Variants in TTC7A observed in about 807,000 individuals in gnomAD.
TTC7A encodes tetratricopeptide repeat domain 7A, also known as tetratricopeptide repeat protein 7A.
A neutral mutation model predicts 103.7 loss-of-function variants in TTC7A; 110 were observed. The observed-to-expected ratio is 1.06, with a 90% CI of 0.91 to 1.24. The LOEUF (loss-of-function observed/expected upper bound fraction) is 1.24, where lower values mean the gene tolerates loss of function less well. Ranked by LOEUF, TTC7A falls within the 50% of genes most tolerant of loss-of-function variation. The pLI is 0.00. For synonymous variants in TTC7A, 521 were observed against 467.9 expected (o/e 1.11, Z -1.47); for missense variants, 1,340 against 1,116.3 (o/e 1.20, Z -2.86).
intron 5 of TTC7A, among the ~76,000 whole-genome samples, chr2:46,989,000 A>T (rs553776716): frequency 6.6e-6 from 1 of 152,296 alleles, no homozygotes; most frequent in South Asian, 2.1e-4. Flanking sequence ...TACAGGGATA[A>T]TGAAGCCTGT....
chr2:46,939,563 A>G (rs1670158200), upstream of TTC7A, among the ~76,000 whole-genome samples: 1 of 152,196 alleles, frequency 6.6e-6, no homozygotes, highest in Non-Finnish European at 1.5e-5. Context: ...TTAGTTCACT[A>G]GGTGCTCTAC....
chr2:47,068,862 C>CAAAAAA (rs201835431), intron 19 of TTC7A, among the ~76,000 whole-genome samples: 11 of 69,734 alleles, frequency 1.6e-4, no homozygotes, highest in African/African-American at 3.3e-4. Context: ...TCAATTTTTT[C>CAAAAAA]AAAAAAAAAA....
chr2:47,000,630 GA>G (rs1676710744), intron 8 of TTC7A, among the ~76,000 whole-genome samples: 1 of 152,198 alleles, frequency 6.6e-6, no homozygotes, highest in Non-Finnish European at 1.5e-5. Flanking sequence ...TGCTGGTGGG[GA>G]CGACAGCACA....
chr2:46,938,863 T>C (rs1030246617), upstream of TTC7A, among the ~76,000 whole-genome samples: 1 of 151,680 alleles, frequency 6.6e-6, no homozygotes, highest in African/African-American at 2.4e-5. Context: ...ATACAAAAAT[T>C]AGCTGAGCAT....
chr2:47,015,524 C>G (rs922430414), intron 11 of TTC7A, among the ~76,000 whole-genome samples: 1 of 152,212 alleles, frequency 6.6e-6, no homozygotes, highest in African/African-American at 2.4e-5. Flanking sequence ...CTCCCACTTA[C>G]TAGCTGTGTG....
rs577113580 is a variant in TTC7A at position 47,071,909 on chromosome 2, C to G, written c.2356-1793C>G. Among the ~76,000 whole-genome samples the G allele has an allele frequency of 2.9e-4, 44 of 152,268 alleles. 1 individual carries two copies. The highest frequency in any genetic ancestry group is 5.9e-4 in the Non-Finnish European group (40 of 68,052). The stretch of plus-strand genomic sequence containing the variant: ...ACTTAACGTGTGGAAGCCACTCCGG[C>G]CCTGGCCCTCTCTGGGAGGCCTTGC... On this transcript the variant is annotated intron_variant, in intron 19 of 19. Coordinates refer to ENST00000319190, the MANE Select transcript of TTC7A (RefSeq NM_020458.4).
chr2:47,030,660 A>G (rs1455763089), intron 15 of TTC7A, among the ~76,000 whole-genome samples: 1 of 151,628 alleles, frequency 6.6e-6, no homozygotes, highest in African/African-American at 2.4e-5. Context: ...CAGCCCCAAG[A>G]CCCTTGAGCC....
chr2:46,917,051 G>A, intron 1 of TTC7A: 2 of 592,552 alleles, frequency 3.4e-6, no homozygotes, highest in Non-Finnish European at 3.0e-6. Context: ...GTAGTTAGAT[G>A]CCTTGAAAGT....
At chr2:47,042,702 G>GTGTGTATATATATATA (rs111460716) in intron 15 of TTC7A, among the ~76,000 whole-genome samples, 1 of 142,636 alleles carries the variant, frequency 7.0e-6, no homozygotes, top group Non-Finnish European at 1.5e-5. Flanking sequence ...GTGTGTGTGT[G>GTGTGTATATATATATA]TATATATATG....
chr2:47,028,852 C>G (rs1680198081), intron 14 of TTC7A, among the ~76,000 whole-genome samples: 1 of 152,166 alleles, frequency 6.6e-6, no homozygotes, highest in African/African-American at 2.4e-5. Context: ...ACCTGGAGCA[C>G]CCCATTTTCA....
intron 15 of TTC7A, among the ~76,000 whole-genome samples, chr2:47,036,932 C>A (rs553250635): frequency 2.0e-5 from 3 of 152,178 alleles, no homozygotes; most frequent in Admixed American, 2.0e-4. Context: ...CTCAGCATAT[C>A]CCCCGCATCC....
In TTC7A at chr2:47,074,058, G is replaced by A; in HGVS notation, c.*135G>A. The A allele has an allele frequency of 1.5e-6, 1 of 667,538 alleles. No homozygotes were observed. Among genetic ancestry groups the A allele is most frequent in the Non-Finnish European group, 2.5e-6 (1 of 396,422 alleles). 41.4% of individuals were successfully genotyped at this position (667,538 alleles called of 1,614,324 possible). ...ATCTTTAGTGAACGCCTCTGCAGCTGCAGCCCTCGTTCTCTTGGCTGGGCC... is the reference window on the plus strand; with the variant it reads ...ATCTTTAGTGAACGCCTCTGCAGCTACAGCCCTCGTTCTCTTGGCTGGGCC... On this transcript the variant is annotated 3_prime_UTR_variant, in exon 20 of 20. Coordinates refer to ENST00000319190, the MANE Select transcript of TTC7A (RefSeq NM_020458.4).
intron 3 of TTC7A, among the ~76,000 whole-genome samples, chr2:46,974,468 G>A (rs535536175): frequency 6.6e-6 from 1 of 152,312 alleles, no homozygotes; most frequent in Non-Finnish European, 1.5e-5. Flanking sequence ...ATTGACTGTT[G>A]TCTCTAGAGG....
intron 5 of TTC7A, among the ~76,000 whole-genome samples, chr2:46,992,617 G>A (rs1675746558): frequency 6.6e-6 from 1 of 152,224 alleles, no homozygotes; most frequent in African/African-American, 2.4e-5. Context: ...TGGGGCCACT[G>A]TAGGGCTGGA....
chr2:47,053,526 GTTTT>G (rs1345466377), intron 18 of TTC7A, among the ~76,000 whole-genome samples: 23 of 135,896 alleles, frequency 1.7e-4, no homozygotes, highest in African/African-American at 1.9e-4. Context: ...TTTTTGGTGG[GTTTT>G]TTTGTTTGTT....
intron 15 of TTC7A, among the ~76,000 whole-genome samples, chr2:47,045,244 G>C (rs183386584): frequency 6.6e-6 from 1 of 152,212 alleles, no homozygotes; most frequent in Non-Finnish European, 1.5e-5. Flanking sequence ...CATACTGGTT[G>C]CTGTATAGCC....
chr2:47,015,108 G>A (rs959215492), intron 11 of TTC7A, among the ~76,000 whole-genome samples: 2 of 152,238 alleles, frequency 1.3e-5, no homozygotes, highest in Non-Finnish European at 2.9e-5. Context: ...CCCTTGGTGA[G>A]GGAGGGCTTC....
intron 1 of TTC7A, 46 bp from the exon 2 acceptor site, chr2:46,950,317 C>A (rs767912461): frequency 6.2e-7 from 1 of 1,607,250 alleles, no homozygotes; most frequent in Middle Eastern, 1.9e-4. Context: ...CTCCATTATC[C>A]GCCTTGTTCG....
In TTC7A at chr2:46,995,295, ACT is replaced by A. The variant is rs1676070454; in HGVS notation, c.1065+99_1065+100del. 4.1e-6 allele frequency: 5 copies of A among 1,214,822 alleles called. No individual in the cohort carries two copies. In the Middle Eastern group the frequency reaches 9.8e-4, roughly 239 times the overall value. The allele number at this position is 1,214,822 out of a possible 1,614,324, so 75.3% of individuals were successfully genotyped here. A position where few individuals can be genotyped will look rare whatever the true frequency, so the allele number is the denominator to read the frequency against. On this transcript the variant is annotated intron_variant, in intron 8 of 19. Coordinates refer to ENST00000319190, the MANE Select transcript of TTC7A (RefSeq NM_020458.4). The stretch of plus-strand genomic sequence containing the variant: ...TACAGGCCACCCGTGACCTAGCCAA[ACT>A]CTGTCTCCCAGGGATACTCCTAAAG...
Sources: gnomAD v4.1 joint callset for allele counts (sites outside exome capture counted in the v4.1 genomes callset) on GRCh38, gnomAD v4.1.1 for gene constraint, MANE v1.5 for transcripts, NCBI Gene and HGNC (gene_info 2026-07-23, HGNC 2026-07-21) for gene names.